The following RALGAPA2 variants were observed in gnomAD, a reference collection of about 807,000 sequenced individuals.
RALGAPA2 encodes Ral GTPase activating protein catalytic subunit alpha 2.
RALGAPA2 carries 139 observed loss-of-function variants against 230.4 expected under a neutral mutation model. The ratio of observed to expected loss-of-function variants is 0.60; its 90% CI spans 0.53 to 0.69. The LOEUF (loss-of-function observed/expected upper bound fraction) is 0.69, where lower values mean the gene tolerates loss of function less well. Among genes scored for constraint, RALGAPA2 ranks in the 30% least tolerant of loss-of-function variants. The pLI, the probability that RALGAPA2 is intolerant of heterozygous loss-of-function variation, is 0.00. For synonymous variants in RALGAPA2, 847 were observed against 837.8 expected, an observed-to-expected ratio of 1.01 and a Z score of -0.19; for missense variants, 2,163 against 2,276.0, an observed-to-expected ratio of 0.95 and a Z score of 1.01.
chr20:20,606,258 C>T (rs2146247155), intron 14 of RALGAPA2, among the ~76,000 whole-genome samples: 1 of 152,264 alleles, frequency 6.6e-6, no homozygotes, highest in Middle Eastern at 3.4e-3. Flanking sequence ...TCTCCCCTTT[C>T]TGAGGCCACT....
intron 35 of RALGAPA2, among the ~76,000 whole-genome samples, chr20:20,498,179 T>C (rs1351596550): frequency 1.3e-5 from 2 of 152,106 alleles, no homozygotes; most frequent in Non-Finnish European, 2.9e-5. Context: ...AACCCATCAG[T>C]GAGTTCGGTG....
intron 37 of RALGAPA2, among the ~76,000 whole-genome samples, chr20:20,456,481 C>T (rs891005779): frequency 6.6e-5 from 10 of 152,256 alleles, no homozygotes; most frequent in African/African-American, 1.9e-4. Flanking sequence ...AACAGGCTCA[C>T]TCTCCTCCCT....
In RALGAPA2 at chr20:20,712,581, TCGCCGCCCCCAGCCCCGCTGCTGCCGC is replaced by T; in HGVS notation, c.-128_-102del. ...GGCCGGCGCGTGTCGCGCGGGCCACTCGCCGCCCCCAGCCCCGCTGCTGCCGCCGCCGCCGCCGCCGCCGCCGCCTCA... is the reference window on the plus strand; with the variant it reads ...GGCCGGCGCGTGTCGCGCGGGCCACTCGCCGCCGCCGCCGCCGCCGCCTCA... On this transcript the variant is annotated 5_prime_UTR_variant, in exon 1 of 40. Transcript: ENST00000202677. This position sits in a 1 kb window ranked among gnomAD's most constrained non-coding sequence, Gnocchi z 5.5. The T allele has an allele frequency of 7.9e-7, 1 of 1,263,200 alleles. No homozygotes were observed. The highest frequency in any genetic ancestry group is 2.8e-5 in the South Asian group (1 of 36,220). 78.2% of individuals were successfully genotyped at this position (1,263,200 alleles called of 1,614,324 possible). A position where few individuals can be genotyped will look rare whatever the true frequency, so the allele number is the denominator to read the frequency against.
chr20:20,687,510 C>T (rs1027757749), intron 1 of RALGAPA2, among the ~76,000 whole-genome samples: 6 of 151,734 alleles, frequency 4.0e-5, no homozygotes, highest in African/African-American at 1.5e-4. Context: ...GCTGGGAGAG[C>T]CGCAAGTAGT....
chr20:20,649,375 C>T (rs1192607126), intron 4 of RALGAPA2, among the ~76,000 whole-genome samples: 1 of 152,198 alleles, frequency 6.6e-6, no homozygotes, highest in East Asian at 1.9e-4. Flanking sequence ...GCTATGTTCA[C>T]ATCCCAGGCA....
chr20:20,579,061 T>G (rs1003719074), intron 20 of RALGAPA2, among the ~76,000 whole-genome samples: 1 of 152,174 alleles, frequency 6.6e-6, no homozygotes, highest in African/African-American at 2.4e-5. Flanking sequence ...AAAAACAATT[T>G]TAGTGGCAGG....
rs6137025 is a variant in RALGAPA2 at position 20,403,749 on chromosome 20, G to A, written c.5618-7015C>T. On this transcript the variant is annotated intron_variant, in intron 38 of 39. Transcript: ENST00000202677. ...AGCAGGGCTTCCCTAATGACTGCAC[G>A]TGGGCTCTGGGATGCACGCTGACTG... is the stretch of plus-strand genomic sequence containing the variant. Among the ~76,000 whole-genome samples the A allele has an allele frequency of 4.1e-3, 620 of 152,306 alleles. 29 individuals are homozygous for A. The East Asian group carries it at 0.11, about 26-fold the overall frequency.
In RALGAPA2 at chr20:20,613,234, CAA is replaced by C. The variant is rs201794512; in HGVS notation, c.1689-1810_1689-1809del. Among the ~76,000 whole-genome samples the C allele has an allele frequency of 7.2e-3, 1,097 of 152,308 alleles. 10 individuals are homozygous for C. Among genetic ancestry groups the C allele is most frequent in the African/African-American group, 0.025 (1,052 of 41,568 alleles). On this transcript the variant is annotated intron_variant, in intron 13 of 39. Transcript: ENST00000202677. ...ACTGACTCCACCAAGGAGAACTGCT[CAA>C]AGAGTGTAATAAACTTCTGTTGGAG... is the stretch of plus-strand genomic sequence containing the variant.
At chr20:20,461,190 A>C (rs2061293863) in intron 37 of RALGAPA2, among the ~76,000 whole-genome samples, 1 of 152,214 alleles carries the variant, frequency 6.6e-6, no homozygotes, top group African/African-American at 2.4e-5. Context: ...AAGAATGTTT[A>C]TCCTGTTAAA....
rs149728451 is a variant in RALGAPA2 at position 20,665,499 on chromosome 20, T to A, written c.270+10737A>T. Among the ~76,000 whole-genome samples the A allele has an allele frequency of 3.5e-3, 532 of 152,314 alleles. 4 individuals are homozygous for A. Among genetic ancestry groups the A allele is most frequent in the African/African-American group, 0.012 (499 of 41,562 alleles). On this transcript the variant is annotated intron_variant, in intron 3 of 39. Transcript: ENST00000202677. The stretch of plus-strand genomic sequence containing the variant: ...GAGTAATTTGGTATATCCCGTTGGG[T>A]CAATCCCAAGTTTCTCACCTATAAG...
intron 3 of RALGAPA2, among the ~76,000 whole-genome samples, chr20:20,667,649 A>T (rs1178493641): frequency 6.6e-6 from 1 of 152,204 alleles, no homozygotes; most frequent in Admixed American, 6.5e-5. Context: ...TGCCTCTTCC[A>T]CCAATGCTTC....
intron 3 of RALGAPA2, among the ~76,000 whole-genome samples, chr20:20,660,891 G>A (rs930639632): frequency 4.6e-5 from 7 of 152,046 alleles, no homozygotes; most frequent in South Asian, 4.1e-4. Flanking sequence ...AGGTTATTAT[G>A]TACCTCCTGT....
At chr20:20,600,657 C>A (rs1288841714) in intron 16 of RALGAPA2, among the ~76,000 whole-genome samples, 4 of 152,168 alleles carry the variant, frequency 2.6e-5, no homozygotes, top group African/African-American at 9.7e-5. Context: ...GAGGATCTTG[C>A]GACTTTCTGA....
chr20:20,706,015 C>T (rs1254729274), intron 1 of RALGAPA2, among the ~76,000 whole-genome samples: 2 of 152,128 alleles, frequency 1.3e-5, no homozygotes, highest in African/African-American at 4.8e-5. Context: ...ATTGATACCC[C>T]GTTTGGTAAC....
intron 35 of RALGAPA2, among the ~76,000 whole-genome samples, chr20:20,499,072 C>A (rs921222047): frequency 6.6e-6 from 1 of 152,178 alleles, no homozygotes; most frequent in Non-Finnish European, 1.5e-5. Context: ...TTTTGCAGCT[C>A]ATTTTTAAGC....
chr20:20,575,037 T>C (rs924119049), intron 20 of RALGAPA2, among the ~76,000 whole-genome samples: 2 of 152,200 alleles, frequency 1.3e-5, no homozygotes, highest in African/African-American at 4.8e-5. Context: ...CTTTCTGAAA[T>C]GCTTCAACCA....
intron 10 of RALGAPA2, among the ~76,000 whole-genome samples, chr20:20,626,968 G>C (rs1421887699): frequency 1.3e-5 from 2 of 152,154 alleles, no homozygotes; most frequent in Non-Finnish European, 2.9e-5. Context: ...TACACTCCAG[G>C]ACCTTGACTA....
chr20:20,666,855 T>C (rs1172870258), intron 3 of RALGAPA2, among the ~76,000 whole-genome samples: 2 of 151,656 alleles, frequency 1.3e-5, no homozygotes, highest in Non-Finnish European at 2.9e-5. Flanking sequence ...TTTGTTTTCA[T>C]TTTCAAAGAG....
chr20:20,678,322 A>G (rs999668602), intron 2 of RALGAPA2, among the ~76,000 whole-genome samples: 1 of 152,166 alleles, frequency 6.6e-6, no homozygotes, highest in Non-Finnish European at 1.5e-5. Context: ...CACTATTTTT[A>G]TTGGTTCTTC....
Sources: allele counts gnomAD v4.1 joint callset (sites outside exome capture counted in the v4.1 genomes callset), GRCh38; gene constraint gnomAD v4.1.1; non-coding constraint Gnocchi (gnomAD v3.1); transcripts MANE v1.5; gene names NCBI Gene and HGNC (gene_info 2026-07-23, HGNC 2026-07-21).